Variants in MSI2 observed in about 807,000 individuals in gnomAD.
MSI2 encodes the protein RNA-binding protein Musashi homolog 2.
A neutral mutation model predicts 45.6 loss-of-function variants in MSI2; 17 were observed. The ratio of observed to expected loss-of-function variants is 0.37; its 90% CI spans 0.26 to 0.56. The LOEUF (loss-of-function observed/expected upper bound fraction) is 0.56, where lower values mean the gene tolerates loss of function less well. Among genes scored for constraint, MSI2 ranks in the 20% least tolerant of loss-of-function variants. The probability of loss-of-function intolerance (pLI) is 0.77; values close to 1 mark genes in which losing one functional copy is unlikely to be tolerated. For synonymous variants in MSI2, 156 were observed against 158.2 expected, an observed-to-expected ratio of 0.99 and a Z score of 0.11; for missense variants, 293 against 444.2, an observed-to-expected ratio of 0.66 and a Z score of 3.06.
At chr17:57,319,254 A>T (rs906079760) in intron 5 of MSI2, among the ~76,000 whole-genome samples, 5 of 152,156 alleles carry the variant, frequency 3.3e-5, no homozygotes, top group Admixed American at 3.3e-4. Flanking sequence ...CTAGGGCTGA[A>T]CTGGTTATCA....
At chr17:57,322,087 G>T (rs541136612) in intron 5 of MSI2, among the ~76,000 whole-genome samples, 3 of 152,212 alleles carry the variant, frequency 2.0e-5, no homozygotes, top group Non-Finnish European at 4.4e-5. Flanking sequence ...GTGAGCCACC[G>T]CGCCCAGGCC....
At chr17:57,566,732 G>A (rs180706540) in intron 7 of MSI2, among the ~76,000 whole-genome samples, 7 of 152,204 alleles carry the variant, frequency 4.6e-5, no homozygotes, top group South Asian at 4.1e-4. Context: ...AGAACTCAAC[G>A]AAGCTGGGCT....
chr17:57,644,218 T>G (rs1192401263), intron 10 of MSI2, among the ~76,000 whole-genome samples: 3 of 151,606 alleles, frequency 2.0e-5, no homozygotes, highest in Non-Finnish European at 4.4e-5. Flanking sequence ...TAAGTTGTTT[T>G]TTTTTTTTTT....
intron 7 of MSI2, among the ~76,000 whole-genome samples, chr17:57,584,594 C>T (rs867214805): frequency 6.6e-6 from 1 of 152,292 alleles, no homozygotes; most frequent in South Asian, 2.1e-4. Flanking sequence ...TGAAAACCTG[C>T]TCCAAGTAGT....
At chr17:57,632,273 C>T (rs1909451001) in intron 10 of MSI2, 6 of 1,078,772 alleles carry the variant, frequency 5.6e-6, no homozygotes, top group African/African-American at 1.6e-5. Flanking sequence ...TTGGAGCACC[C>T]GTGTCTTACG....
chr17:57,286,573 A>G (rs1244114154), intron 5 of MSI2, among the ~76,000 whole-genome samples: 1 of 151,866 alleles, frequency 6.6e-6, no homozygotes, highest in Non-Finnish European at 1.5e-5. Context: ...CCTGTTGGTA[A>G]TTGTGCTTCT....
intron 7 of MSI2, among the ~76,000 whole-genome samples, chr17:57,595,730 G>A (rs1284602356): frequency 2.6e-5 from 4 of 151,992 alleles, no homozygotes; most frequent in Non-Finnish European, 5.9e-5. Context: ...CTGGGTGGGG[G>A]GTCGGGGGGC....
chr17:57,291,255 C>T (rs955998854), intron 5 of MSI2, among the ~76,000 whole-genome samples: 17 of 152,124 alleles, frequency 1.1e-4, no homozygotes, highest in African/African-American at 3.9e-4. Flanking sequence ...TGCCAAGATT[C>T]GCTTATATGT....
chr17:57,418,587 A>G (rs2084338368), intron 6 of MSI2, among the ~76,000 whole-genome samples: 1 of 152,196 alleles, frequency 6.6e-6, no homozygotes, highest in Non-Finnish European at 1.5e-5. Context: ...TTGCTCAAGG[A>G]CAGGTGCTCT....
At chr17:57,545,369 G>A (rs2086062959) in intron 7 of MSI2, among the ~76,000 whole-genome samples, 1 of 152,186 alleles carries the variant, frequency 6.6e-6, no homozygotes, top group Admixed American at 6.5e-5. Flanking sequence ...CAGATGGATA[G>A]CAGTGAACCA....
intron 8 of MSI2, among the ~76,000 whole-genome samples, chr17:57,597,980 CGTGTAGG>C (rs1905427366): frequency 6.6e-6 from 1 of 152,186 alleles, no homozygotes; most frequent in South Asian, 2.1e-4. Context: ...TTTGGGAAGT[CGTGTAGG>C]CCTCCCAGAT....
intron 6 of MSI2, among the ~76,000 whole-genome samples, chr17:57,503,976 T>C (rs1478834961): frequency 1.3e-5 from 2 of 152,154 alleles, no homozygotes; most frequent in Non-Finnish European, 2.9e-5. Context: ...CCTCATGATC[T>C]GCCCGCCTCA....
Position 57,262,516 on chromosome 17 carries a change from A to C in MSI2, c.312+324A>C, listed in dbSNP as rs1376381107. ...CCAATATCATATCAGGAAAAGTCGA[A>C]CATTTCCTTGTGACTCTTTCGGAGG... is the stretch of plus-strand genomic sequence containing the variant. On this transcript the variant is annotated intron_variant, in intron 5 of 13. Transcript: ENST00000284073. 2.6e-5 allele frequency: 7 copies of C among 265,510 alleles called. No homozygotes were observed. In the East Asian group the frequency reaches 5.0e-4, roughly 19 times the overall value. The allele number at this position is 265,510 out of a possible 1,614,324, so 16.4% of individuals were successfully genotyped here. A position where few individuals can be genotyped will look rare whatever the true frequency, so the allele number is the denominator to read the frequency against.
At chr17:57,441,612 C>T (rs1443803343) in intron 6 of MSI2, among the ~76,000 whole-genome samples, 1 of 152,178 alleles carries the variant, frequency 6.6e-6, no homozygotes, top group African/African-American at 2.4e-5. Context: ...AAGACAAAGT[C>T]CCTCTGTGAG....
chr17:57,505,325 T>A (rs2877825), intron 6 of MSI2, among the ~76,000 whole-genome samples: 134,953 of 151,874 alleles, frequency 0.89, 60,172 homozygotes, highest in African/African-American at 0.96. Flanking sequence ...CGCCCTGGAG[T>A]TTTATGGGGT....
chr17:57,686,502 C>A (rs1003788818), downstream of MSI2, among the ~76,000 whole-genome samples: 2 of 151,998 alleles, frequency 1.3e-5, no homozygotes, highest in African/African-American at 4.8e-5. Context: ...AAACAAAACC[C>A]GGTTACGTGC....
Position 57,617,371 on chromosome 17 carries a change from A to G in MSI2, c.652+1287A>G, listed in dbSNP as rs529809530. ...TGAGAAAATGTTTTTAAAAAGAGGAATGAGAAAAGACCAACAGTGAGAATG... is the reference window on the plus strand; with the variant it reads ...TGAGAAAATGTTTTTAAAAAGAGGAGTGAGAAAAGACCAACAGTGAGAATG... On this transcript the variant is annotated intron_variant, in intron 9 of 13. Coordinates refer to ENST00000284073, the MANE Select transcript of MSI2 (RefSeq NM_138962.4). Among the ~76,000 whole-genome samples the G allele has an allele frequency of 1.7e-4, 26 of 152,346 alleles. 1 individual carries two copies. In the South Asian group the frequency reaches 5.2e-3, roughly 30 times the overall value.
intron 6 of MSI2, among the ~76,000 whole-genome samples, chr17:57,442,321 C>T (rs1033452711): frequency 3.9e-5 from 6 of 152,206 alleles, no homozygotes; most frequent in Admixed American, 3.9e-4. Flanking sequence ...AGGCGTGAGC[C>T]ACTGCGCCTG....
rs1235539925 is a variant in MSI2 at position 57,256,921 on chromosome 17, C to A, written c.62+117C>A. 14 of 391,986 alleles carry A rather than the reference C, an allele frequency of 3.6e-5. No homozygotes were observed. The Admixed American group carries it at 4.1e-4, about 12-fold the overall frequency. 24.3% of individuals were successfully genotyped at this position (391,986 alleles called of 1,614,324 possible). ...CGCCCCCCCGCCTCTCCCGCGCGCC[C>A]CCCCCGTGGAAGTTACACACCTTTG... is the stretch of plus-strand genomic sequence containing the variant. On this transcript the variant is annotated intron_variant, in intron 1 of 13. Transcript: ENST00000284073.
Sources: gnomAD v4.1 joint callset for allele counts (sites outside exome capture counted in the v4.1 genomes callset) on GRCh38, gnomAD v4.1.1 for gene constraint, MANE v1.5 for transcripts, NCBI Gene and HGNC (gene_info 2026-07-23, HGNC 2026-07-21) for gene names.